The following CATSPERD variants were observed in gnomAD, a reference collection of about 807,000 sequenced individuals.
CATSPERD encodes catsper channel auxiliary subunit delta.
CATSPERD carries 86 observed loss-of-function variants against 98.1 expected under a neutral mutation model. That is an observed-to-expected ratio of 0.88 (90% CI 0.74 to 1.05). The LOEUF is 1.05. CATSPERD is among the 50% of genes least tolerant of loss of function. The probability of loss-of-function intolerance (pLI) is 0.00; values close to 1 mark genes in which losing one functional copy is unlikely to be tolerated. For synonymous variants in CATSPERD, 394 were observed against 390.2 expected (o/e 1.01, Z -0.12); for missense variants, 995 against 1,005.7 (o/e 0.99, Z 0.14).
At position 5,778,491 on chromosome 19, in the gene CATSPERD, TGGC is replaced by T. The variant is rs769616631; in HGVS notation, c.2213_2215del (p.Trp738del). ...CATCTCCAGCATCCTGGGGTCCGTT[TGGC>T]TGGCCTACAAGACCCCCAAGCTGCT... On this transcript the variant is annotated inframe_deletion, in exon 22 of 22. Coordinates refer to ENST00000381624, the MANE Select transcript of CATSPERD (RefSeq NM_152784.4). The T allele has an allele frequency of 1.2e-6, 2 of 1,614,070 alleles. No homozygotes were observed. The highest frequency in any genetic ancestry group is 2.2e-5 in the South Asian group (2 of 91,086).
At chr19:5,727,663 A>G (rs1040475849) in intron 3 of CATSPERD, among the ~76,000 whole-genome samples, 15 of 152,152 alleles carry the variant, frequency 9.9e-5, no homozygotes, top group African/African-American at 3.6e-4. Context: ...TTGAAGGATG[A>G]ATAGGAGTTC....
chr19:5,763,074 G>A, intron 15 of CATSPERD, 141 bp from the exon 16 acceptor site: 1 of 646,076 alleles, frequency 1.5e-6, no homozygotes, highest in Non-Finnish European at 2.8e-6. Flanking sequence ...GGATGGGTGG[G>A]TGGAATGAAT....
At chr19:5,763,135 G>C in intron 15 of CATSPERD, 80 bp from the exon 16 acceptor site, 1 of 1,034,854 alleles carries the variant, frequency 9.7e-7, no homozygotes, top group South Asian at 1.3e-5. Context: ...TGACTGAATG[G>C]ACTGAAGGAT....
In CATSPERD at chr19:5,772,448, C is replaced by T. The variant is rs188670542; in HGVS notation, c.1764-340C>T. 316 of 268,700 alleles carry T rather than the reference C, an allele frequency of 1.2e-3. 1 individual carries two copies. The highest frequency in any genetic ancestry group is 7.0e-3 in the African/African-American group (305 of 43,558). The allele number at this position is 268,700 out of a possible 1,614,324, so 16.6% of individuals were successfully genotyped here. On this transcript the variant is annotated intron_variant, in intron 19 of 21. Coordinates refer to ENST00000381624, the MANE Select transcript of CATSPERD (RefSeq NM_152784.4). ...TTCACCGTGTTAGCCAAGATGGTCT[C>T]GATCTCCTGACCTCGTGATCCTCCC...
intron 3 of CATSPERD, among the ~76,000 whole-genome samples, chr19:5,728,763 A>G (rs1217222630): frequency 6.6e-6 from 1 of 151,060 alleles, no homozygotes; most frequent in Non-Finnish European, 1.5e-5. Context: ...CAGTGGCGCA[A>G]TCTCGGCTCA....
chr19:5,762,813 T>TGGAA (rs1439119111), intron 15 of CATSPERD, among the ~76,000 whole-genome samples: 6 of 149,044 alleles, frequency 4.0e-5, no homozygotes, highest in African/African-American at 9.9e-5. Flanking sequence ...ATGAGATAGA[T>TGGAA]GGATGGATGG....
chr19:5,739,635 C>T (rs1006104302), intron 7 of CATSPERD, among the ~76,000 whole-genome samples, 196 bp downstream of exon 7: 5 of 150,912 alleles, frequency 3.3e-5, no homozygotes, highest in South Asian at 2.1e-4. Flanking sequence ...AGTTTGAGAC[C>T]GGCCTGGGTG....
intron 13 of CATSPERD, among the ~76,000 whole-genome samples, chr19:5,755,724 G>A (rs947446134): frequency 6.6e-6 from 1 of 151,982 alleles, no homozygotes; most frequent in African/African-American, 2.4e-5. Context: ...GGTGAGCCAA[G>A]ATCGTGCCAT....
At chr19:5,742,306 ATGTGTG>A (rs368232964) in intron 7 of CATSPERD, among the ~76,000 whole-genome samples, 1 of 137,290 alleles carries the variant, frequency 7.3e-6, no homozygotes, top group Non-Finnish European at 1.6e-5. Context: ...ACGTATGTGA[ATGTGTG>A]TGTGGGTGTG....
At chr19:5,763,436 C>T (rs2056480609) in intron 16 of CATSPERD, 143 bp downstream of exon 16, 1 of 605,252 alleles carries the variant, frequency 1.7e-6, no homozygotes, top group African/African-American at 1.9e-5. Flanking sequence ...GCCTCAAAAA[C>T]TAAAAAAATT....
Position 5,733,691 on chromosome 19 carries a change from G to A in CATSPERD, c.277-165G>A, listed in dbSNP as rs566667161. Among the ~76,000 whole-genome samples the A allele has an allele frequency of 3.0e-3, 454 of 151,792 alleles. 4 individuals are homozygous for A. Among genetic ancestry groups the A allele is most frequent in the Non-Finnish European group, 3.8e-3 (260 of 67,926 alleles). On this transcript the variant is annotated intron_variant, in intron 4 of 21. Transcript: ENST00000381624. Reference sequence around the variant, plus strand: ...AGGCTGGTCTCAAACTCCTGACCTCGGTGATCTACCCGCCTTGGCCTCCCA... The same window carrying A: ...AGGCTGGTCTCAAACTCCTGACCTCAGTGATCTACCCGCCTTGGCCTCCCA...
At position 5,739,349 on chromosome 19, in the gene CATSPERD, A is replaced by G. The variant is rs771051358; in HGVS notation, c.483A>G (p.Ala161=). The G allele has an allele frequency of 2.5e-6, 4 of 1,581,938 alleles. No homozygotes were observed. The highest frequency in any genetic ancestry group is 1.7e-4 in the Middle Eastern group (1 of 5,886). Residue 161 remains alanine (A), a synonymous_variant, in exon 7 of 22, where the codon GCA becomes GCG. Transcript: ENST00000381624. ...FCVHVSNLVF[A]YFRGDQISQT... is the part of the protein sequence containing the mutation. ...AGCATGTCAGTAATTTGGTTTTTGC[A>G]TATTTCCGTGGAGATCAGATATCCC... is the stretch of plus-strand genomic sequence containing the variant.
chr19:5,744,325 G>T, intron 7 of CATSPERD, 102 bp from the exon 8 acceptor site: 1 of 1,027,458 alleles, frequency 9.7e-7, no homozygotes, highest in Non-Finnish European at 1.5e-6. Context: ...TTCTAAAAAA[G>T]ACTTTCCTTC....
At chr19:5,737,647 G>A (rs529865549) in intron 6 of CATSPERD, among the ~76,000 whole-genome samples, 140 of 151,198 alleles carry the variant, frequency 9.3e-4, no homozygotes, top group Admixed American at 3.3e-3. Context: ...CCAGGAGCTC[G>A]AGACCAGCCT....
Position 5,751,792 on chromosome 19 carries a change from T to C in CATSPERD, c.1133T>C (p.Met378Thr), listed in dbSNP as rs139062634. Reference protein sequence around the residue: ...KCLVNIQALLMDPELHVGKCK... With the variant: ...KCLVNIQALLTDPELHVGKCK... The stretch of plus-strand genomic sequence containing the variant: ...CTCGTGAATATCCAGGCGCTTCTCA[T>C]GGACCCTGAACTCCACGTTGGAAAG... The change falls in exon 12 of 22, where the codon ATG becomes ACG. Residue 378 changes from methionine (M) to threonine (T), a missense_variant. By Grantham distance (81) the Met-to-Thr change is moderately conservative. This residue lies in a region of CATSPERD where 762 missense variants were observed against 773.7 expected (regional missense o/e 0.98). Transcript: ENST00000381624. The C allele has an allele frequency of 1.8e-4, 295 of 1,613,514 alleles. 2 individuals carry two copies. The East Asian group carries it at 6.5e-3, about 35-fold the overall frequency.
intron 3 of CATSPERD, among the ~76,000 whole-genome samples, chr19:5,728,705 CTT>C (rs201059226): frequency 1.4e-5 from 2 of 145,102 alleles, no homozygotes; most frequent in Non-Finnish European, 1.5e-5. Context: ...CTCTCTCTCT[CTT>C]TTTTTTTTTG....
At position 5,731,206 on chromosome 19, in the gene CATSPERD, A is replaced by AG. The variant is rs2055710491; in HGVS notation, c.276+1262_276+1263insG. Among the ~76,000 whole-genome samples, 20 of 152,164 alleles carry AG rather than the reference A, an allele frequency of 1.3e-4. No individual in the cohort carries two copies. In the South Asian group the frequency reaches 4.1e-3, roughly 32 times the overall value. On this transcript the variant is annotated intron_variant, in intron 4 of 21. Coordinates refer to ENST00000381624, the MANE Select transcript of CATSPERD (RefSeq NM_152784.4). The stretch of plus-strand genomic sequence containing the variant: ...TGCTAAATAAAGTTTTGGGCTGGAC[A>AG]TGGTGGTTCACGCCTGTAACCCCAG...
At chr19:5,743,599 A>AAAAAAG (rs1228873391) in intron 7 of CATSPERD, among the ~76,000 whole-genome samples, 1 of 46,132 alleles carries the variant, frequency 2.2e-5, no homozygotes, top group Non-Finnish European at 5.5e-5. Context: ...ACTCCATCTC[A>AAAAAAG]AAAAAAGAAA....
intron 3 of CATSPERD, 91 bp downstream of exon 3, chr19:5,727,435 T>C: frequency 1.0e-6 from 1 of 987,564 alleles, no homozygotes; most frequent in Non-Finnish European, 1.6e-6. Context: ...GTAAAGAAGA[T>C]GGCTCTGCCG....
Sources: allele counts gnomAD v4.1 joint callset (sites outside exome capture counted in the v4.1 genomes callset), GRCh38; gene constraint gnomAD v4.1.1; regional missense constraint gnomAD v4.1.1; transcripts MANE v1.5; gene names NCBI Gene and HGNC (gene_info 2026-07-23, HGNC 2026-07-21).